Variants in LRRTM4 observed in about 807,000 individuals in gnomAD.
LRRTM4 encodes the protein leucine-rich repeat transmembrane neuronal protein 4.
In LRRTM4, 25 loss-of-function variants were observed where a neutral mutation model predicts 47.6. The ratio of observed to expected loss-of-function variants is 0.53; its 90% CI spans 0.38 to 0.73. LRRTM4 has a LOEUF of 0.73. Among genes scored for constraint, LRRTM4 ranks in the 30% least tolerant of loss-of-function variants. The probability of loss-of-function intolerance (pLI) is 0.00; values close to 1 mark genes in which losing one functional copy is unlikely to be tolerated. For synonymous variants in LRRTM4, 311 were observed against 269.5 expected, an observed-to-expected ratio of 1.15 and a Z score of -1.51; for missense variants, 638 against 713.4, an observed-to-expected ratio of 0.89 and a Z score of 1.20.
rs534097875 is a variant in LRRTM4, at chr2:77,127,955, C to A, written c.1552-379039G>T. On this transcript the variant is annotated intron_variant, in intron 3 of 3. Coordinates refer to ENST00000409884, the MANE Select transcript of LRRTM4 (RefSeq NM_001134745.3). ...GTCAGGAGTTCGAGACCTGCCTGAG[C>A]AACATGGTGAAACCCTGTCTCTACT... Among the ~76,000 whole-genome samples the A allele has an allele frequency of 2.6e-5, 4 of 152,180 alleles. No homozygotes were observed. In the East Asian group the frequency reaches 5.8e-4, roughly 22 times the overall value.
At position 76,779,184 on chromosome 2, in the gene LRRTM4, T is replaced by C. The variant is rs561510178; in HGVS notation, c.1552-30268A>G. Among the ~76,000 whole-genome samples, 5 of 152,236 alleles carry C rather than the reference T, an allele frequency of 3.3e-5. 1 individual carries two copies. In the East Asian group the frequency reaches 9.7e-4, roughly 29 times the overall value. On this transcript the variant is annotated intron_variant, in intron 3 of 3. Transcript: ENST00000409884. ...CTGAGGAGAGCTTTACTTCCAAGTATGTGGTCATGTTTGGAATAGGTGTGG... is the reference window on the plus strand; with the variant it reads ...CTGAGGAGAGCTTTACTTCCAAGTACGTGGTCATGTTTGGAATAGGTGTGG...
chr2:76,975,321 G>A (rs1676381540), intron 3 of LRRTM4, among the ~76,000 whole-genome samples: 1 of 151,760 alleles, frequency 6.6e-6, no homozygotes. Context: ...GAAGGATTCA[G>A]CTTCACTTGC....
intron 3 of LRRTM4, among the ~76,000 whole-genome samples, chr2:77,127,884 C>T (rs1671690115): frequency 6.6e-6 from 1 of 152,174 alleles, no homozygotes; most frequent in African/African-American, 2.4e-5. Flanking sequence ...GTGGCTCACG[C>T]CTGTAATCCC....
intron 3 of LRRTM4, among the ~76,000 whole-genome samples, chr2:77,351,477 C>G (rs1351816785): frequency 6.6e-6 from 1 of 151,678 alleles, no homozygotes; most frequent in African/African-American, 2.4e-5. Context: ...AGTTGAAAAC[C>G]TTATGATACA....
chr2:77,270,987 C>T (rs1676176459), intron 3 of LRRTM4, among the ~76,000 whole-genome samples: 3 of 152,262 alleles, frequency 2.0e-5, no homozygotes, highest in Middle Eastern at 3.4e-3. Flanking sequence ...CAGGCTCAGT[C>T]GGTAGAGGGA....
At chr2:77,502,160 T>C (rs985870433) in intron 3 of LRRTM4, among the ~76,000 whole-genome samples, 1 of 151,610 alleles carries the variant, frequency 6.6e-6, no homozygotes, top group African/African-American at 2.4e-5. Flanking sequence ...CTTACTGATA[T>C]ATAAACATGT....
At position 76,855,095 on chromosome 2, in the gene LRRTM4, C is replaced by T. The variant is rs572028579; in HGVS notation, c.1552-106179G>A. The stretch of plus-strand genomic sequence containing the variant: ...GTTTCACTAATTGGATATCTGCGAG[C>T]GGAGCATTCCAGGCAGAGGGGACTG... On this transcript the variant is annotated intron_variant, in intron 3 of 3. Coordinates refer to ENST00000409884, the MANE Select transcript of LRRTM4 (RefSeq NM_001134745.3). 2.5e-4 allele frequency among the ~76,000 whole-genome samples: 38 copies of T among 152,160 alleles called. No homozygotes were observed. The South Asian group carries it at 6.6e-3, about 27-fold the overall frequency.
chr2:77,005,064 G>A (rs1176866410), intron 3 of LRRTM4, among the ~76,000 whole-genome samples: 4 of 152,048 alleles, frequency 2.6e-5, no homozygotes, highest in Admixed American at 2.0e-4. Flanking sequence ...CGTCTGCAAT[G>A]AGATTTTGGA....
intron 3 of LRRTM4, among the ~76,000 whole-genome samples, chr2:77,206,519 C>T (rs566659610): frequency 3.5e-4 from 53 of 152,058 alleles, no homozygotes; most frequent in Admixed American, 7.9e-4. Flanking sequence ...GAGTCTCGCA[C>T]AGTCACCCAG....
intron 3 of LRRTM4, among the ~76,000 whole-genome samples, chr2:76,799,936 C>G (rs1675568842): frequency 6.6e-6 from 1 of 150,912 alleles, no homozygotes; most frequent in Admixed American, 6.6e-5. Context: ...CAAACCACTG[C>G]TCAAGGAAAT....
At chr2:77,258,469 G>C (rs1422416865) in intron 3 of LRRTM4, among the ~76,000 whole-genome samples, 2 of 151,962 alleles carry the variant, frequency 1.3e-5, no homozygotes, top group Non-Finnish European at 2.9e-5. Flanking sequence ...TACTGGATTT[G>C]CTGTTGCATT....
intron 3 of LRRTM4, among the ~76,000 whole-genome samples, chr2:77,081,262 AC>A (rs1350577110): frequency 2.1e-5 from 3 of 145,536 alleles, no homozygotes; most frequent in African/African-American, 8.2e-5. Context: ...ACACACACAC[AC>A]ACACACACAC....
At chr2:76,812,806 T>TCTCCCTCCCCCTCCTCCTCTCCCTCCCC (rs1180792014) in intron 3 of LRRTM4, among the ~76,000 whole-genome samples, 1 of 92,268 alleles carries the variant, frequency 1.1e-5, no homozygotes, top group African/African-American at 4.1e-5. Context: ...CCCCTCCTCC[T>TCTCCCTCCCCCTCCTCCTCTCCCTCCCC]CCTTATTCTT....
At position 76,823,606 on chromosome 2, in the gene LRRTM4, T is replaced by C. The variant is rs947876690; in HGVS notation, c.1552-74690A>G. ...ACGTGAATCACAGCATTATATGTAA[T>C]AGAATAAAAAATTTGACAAACCACA... On this transcript the variant is annotated intron_variant, in intron 3 of 3. Coordinates refer to ENST00000409884, the MANE Select transcript of LRRTM4 (RefSeq NM_001134745.3). 2.7e-5 allele frequency among the ~76,000 whole-genome samples: 4 copies of C among 150,764 alleles called. No individual in the cohort carries two copies. In the East Asian group the frequency reaches 5.8e-4, roughly 22 times the overall value.
chr2:77,138,796 C>T (rs1306587956), intron 3 of LRRTM4, among the ~76,000 whole-genome samples: 1 of 151,972 alleles, frequency 6.6e-6, no homozygotes, highest in Non-Finnish European at 1.5e-5. Flanking sequence ...GGGATATCAC[C>T]ACCGATCCCA....
intron 3 of LRRTM4, among the ~76,000 whole-genome samples, chr2:77,088,491 A>G (rs1385812797): frequency 1.3e-5 from 2 of 152,104 alleles, no homozygotes; most frequent in African/African-American, 2.4e-5. Flanking sequence ...CCTGCCTGCC[A>G]GAGAACAAAC....
chr2:77,203,802 A>AAAATTTGTTC (rs1433756179), intron 3 of LRRTM4, among the ~76,000 whole-genome samples: 12 of 152,302 alleles, frequency 7.9e-5, no homozygotes, highest in African/African-American at 2.2e-4. Context: ...CTTTTTGTTC[A>AAAATTTGTTC]AAATGTTCTA....
In LRRTM4 at chr2:76,795,921, G is replaced by A. The variant is rs1021224377; in HGVS notation, c.1552-47005C>T. On this transcript the variant is annotated intron_variant, in intron 3 of 3. Coordinates refer to ENST00000409884, the MANE Select transcript of LRRTM4 (RefSeq NM_001134745.3). ...CTGAGGTACCGGGTTCATCTCATTG[G>A]GAGTGCCAGACAGTGGGCGCAGGTC... is the stretch of plus-strand genomic sequence containing the variant. Among the ~76,000 whole-genome samples the A allele has an allele frequency of 2.7e-4, 41 of 151,788 alleles. 1 individual carries two copies. In the Middle Eastern group the frequency reaches 0.01, roughly 38 times the overall value.
intron 3 of LRRTM4, among the ~76,000 whole-genome samples, chr2:76,941,462 CT>C (rs1675140175): frequency 6.6e-6 from 1 of 152,052 alleles, no homozygotes; most frequent in Non-Finnish European, 1.5e-5. Context: ...TATCCGTCCC[CT>C]TGCCCCTAAT....
Sources: allele counts gnomAD v4.1 joint callset (sites outside exome capture counted in the v4.1 genomes callset), GRCh38; gene constraint gnomAD v4.1.1; transcripts MANE v1.5; gene names NCBI Gene and HGNC (gene_info 2026-07-23, HGNC 2026-07-21).